The following PCDHA7 variants were observed in gnomAD, a reference collection of about 807,000 sequenced individuals.
PCDHA7 encodes the protein protocadherin alpha-7.
In PCDHA7, 37 loss-of-function variants were observed where a neutral mutation model predicts 57.2. That is an observed-to-expected ratio of 0.65 (90% CI 0.50 to 0.85). The LOEUF (loss-of-function observed/expected upper bound fraction) is 0.85, where lower values mean the gene tolerates loss of function less well. Ranked by LOEUF, PCDHA7 falls within the 40% of genes least tolerant of loss-of-function variation. PCDHA7 has a pLI of 0.00. For missense variants in PCDHA7, 1,188 were observed against 1,241.8 expected, an observed-to-expected ratio of 0.96 and a Z score of 0.65; for synonymous variants, 553 against 558.8, an observed-to-expected ratio of 0.99 and a Z score of 0.15.
chr5:140,853,333 G>A (rs905529637), intron 1 of PCDHA7: 2 of 983,832 alleles, frequency 2.0e-6, no homozygotes, highest in Middle Eastern at 5.3e-4. Context: ...ATCTTTTGAG[G>A]TCATTAGCAA....
rs149287754 is a variant in PCDHA7, at chr5:140,962,549, G to T, written c.2356-16400G>T. Reference sequence around the variant, plus strand: ...GTTTTTTAGAACTAAAAATGTAGAGGATCTCCCCCTAAAAGCCAATTGTTA... The same window carrying T: ...GTTTTTTAGAACTAAAAATGTAGAGTATCTCCCCCTAAAAGCCAATTGTTA... On this transcript the variant is annotated intron_variant, in intron 1 of 3. Coordinates refer to ENST00000525929, the MANE Select transcript of PCDHA7 (RefSeq NM_018910.3). 1.3e-3 allele frequency among the ~76,000 whole-genome samples: 202 copies of T among 152,208 alleles called. 3 individuals carry two copies. The highest frequency in any genetic ancestry group is 4.3e-4 in the Non-Finnish European group (29 of 68,014).
chr5:140,974,057 G>A (rs1302269611), intron 1 of PCDHA7, among the ~76,000 whole-genome samples: 1 of 152,154 alleles, frequency 6.6e-6, no homozygotes, highest in Non-Finnish European at 1.5e-5. Flanking sequence ...ATAATATTTG[G>A]AGCAGTATAA....
intron 1 of PCDHA7, chr5:140,858,280 G>C (rs782403060): frequency 3.1e-6 from 5 of 1,597,578 alleles, no homozygotes; most frequent in Non-Finnish European, 4.3e-6. Context: ...GCGCGGTGGG[G>C]AGCTGGTCTT....
chr5:140,892,596 T>C (rs143701120), intron 1 of PCDHA7, among the ~76,000 whole-genome samples: 79 of 152,254 alleles, frequency 5.2e-4, no homozygotes, highest in African/African-American at 1.4e-3. Flanking sequence ...CATTCACCTA[T>C]TTTTTTCCTT....
chr5:140,917,152 G>A (rs1407958115), intron 1 of PCDHA7, among the ~76,000 whole-genome samples: 1 of 152,012 alleles, frequency 6.6e-6, no homozygotes, highest in Admixed American at 6.6e-5. Context: ...GCTGCTGGGG[G>A]ATATGGGAGG....
intron 1 of PCDHA7, among the ~76,000 whole-genome samples, chr5:140,933,146 C>G (rs1554209206): frequency 1.3e-5 from 2 of 151,920 alleles, no homozygotes. Context: ...GATAGCCACT[C>G]ATTTTGTTCC....
chr5:140,932,500 T>C (rs2088368568), intron 1 of PCDHA7, among the ~76,000 whole-genome samples: 3 of 151,914 alleles, frequency 2.0e-5, no homozygotes, highest in Non-Finnish European at 4.4e-5. Context: ...ATGTCATTTG[T>C]TAACAGTAGT....
chr5:140,881,335 C>T (rs2153378731), intron 1 of PCDHA7: 2 of 984,916 alleles, frequency 2.0e-6, no homozygotes, highest in South Asian at 4.7e-5. Context: ...ACCAGGACGC[C>T]GATTCGGGCT....
intron 1 of PCDHA7, among the ~76,000 whole-genome samples, chr5:140,950,449 T>G (rs1377637881): frequency 4.6e-5 from 7 of 152,088 alleles, no homozygotes; most frequent in African/African-American, 1.7e-4. Flanking sequence ...GTTATTCTAC[T>G]GTCTTCTAAT....
Position 140,978,951 on chromosome 5 carries a change from A to G in PCDHA7, c.2358A>G (p.Pro786=). Residue 786 remains proline, a splice_region_variant and synonymous_variant, in exon 2 of 4, where the codon CCA becomes CCG. Coordinates refer to ENST00000525929, the MANE Select transcript of PCDHA7 (RefSeq NM_018910.3). ...LPQGPSSTDN[P]RQPNPDWRYS... ...AAACTCTCTTTGTGATTTTGCAGCC[A>G]CGACAGCCCAACCCTGACTGGCGTT... is the stretch of plus-strand genomic sequence containing the variant. 1.2e-6 allele frequency: 2 copies of G among 1,614,182 alleles called. No homozygotes were observed. The highest frequency in any genetic ancestry group is 1.7e-6 in the Non-Finnish European group (2 of 1,180,032).
chr5:140,837,058 T>C, intron 1 of PCDHA7: 1 of 190,160 alleles, frequency 5.3e-6, no homozygotes, highest in Non-Finnish European at 1.1e-5. Flanking sequence ...TACATTTCCA[T>C]ATTTTGATAA....
chr5:140,941,211 CTTCCTTTCTTT>C (rs782043135), intron 1 of PCDHA7, among the ~76,000 whole-genome samples: 8,933 of 129,680 alleles, frequency 0.069, 349 homozygotes, highest in Non-Finnish European at 0.093. Flanking sequence ...TCCTTTCTTT[CTTCCTTTCTTT>C]CTTTCTTTCT....
Position 140,857,332 on chromosome 5 carries a change from C to T in PCDHA7, c.2355+20594C>T, listed in dbSNP as rs782461373. The stretch of plus-strand genomic sequence containing the variant: ...ATGAGCTGGTGGTGACCGCGCGGGA[C>T]GGGGGCTCGCCTCCGCTGTGGGCCA... On this transcript the variant is annotated intron_variant, in intron 1 of 3. Transcript: ENST00000525929. The T allele has an allele frequency of 1.9e-5, 30 of 1,598,216 alleles. No homozygotes were observed. In the South Asian group the frequency reaches 2.0e-4, roughly 11 times the overall value.
chr5:140,838,115 TG>T (rs1554136890), intron 1 of PCDHA7, among the ~76,000 whole-genome samples: 5 of 149,894 alleles, frequency 3.3e-5, no homozygotes, highest in Non-Finnish European at 7.4e-5. Context: ...TGTGTGTGTG[TG>T]TGTGTGTGTG....
intron 1 of PCDHA7, chr5:140,967,799 A>G: frequency 1.2e-6 from 2 of 1,614,190 alleles, no homozygotes; most frequent in Non-Finnish European, 1.7e-6. Context: ...TCCAGTGCCC[A>G]TGGCAGGTCA....
At chr5:140,987,880 T>A (rs2097271532) in intron 3 of PCDHA7, among the ~76,000 whole-genome samples, 1 of 152,112 alleles carries the variant, frequency 6.6e-6, no homozygotes, top group Non-Finnish European at 1.5e-5. Context: ...AAATGGACAG[T>A]TTATGTGCCC....
chr5:140,942,435 A>G (rs1258382123), intron 1 of PCDHA7, among the ~76,000 whole-genome samples: 2 of 152,114 alleles, frequency 1.3e-5, no homozygotes, highest in East Asian at 3.9e-4. Flanking sequence ...ATCTAACAAT[A>G]AACAAGTAAA....
intron 3 of PCDHA7, among the ~76,000 whole-genome samples, chr5:140,985,878 T>C (rs891027308): frequency 6.6e-6 from 1 of 151,706 alleles, no homozygotes; most frequent in Non-Finnish European, 1.5e-5. Flanking sequence ...TAGCTGGGAC[T>C]ACAGGCGCCC....
At chr5:140,929,679 G>A (rs142104946) in intron 1 of PCDHA7, 4 of 303,052 alleles carry the variant, frequency 1.3e-5, no homozygotes, top group African/African-American at 2.2e-5. Context: ...TGAAAAATAT[G>A]TAAGAGTCTG....
Sources: allele counts gnomAD v4.1 joint callset (sites outside exome capture counted in the v4.1 genomes callset), GRCh38; gene constraint gnomAD v4.1.1; transcripts MANE v1.5; gene names NCBI Gene and HGNC (gene_info 2026-07-23, HGNC 2026-07-21).